The following B3GALNT2 variants were observed in gnomAD, a reference collection of about 807,000 sequenced individuals.
B3GALNT2 encodes UDP-GalNAc:beta-1,3-N-acetylgalactosaminyltransferase 2.
B3GALNT2 carries 53 observed loss-of-function variants against 61.1 expected under a neutral mutation model. The observed-to-expected ratio is 0.87, with a 90% CI of 0.70 to 1.09. B3GALNT2 has a LOEUF of 1.09. B3GALNT2 is among the 50% of genes least tolerant of loss of function. B3GALNT2 has a pLI of 0.00. For missense variants in B3GALNT2, 544 were observed against 623.0 expected, an observed-to-expected ratio of 0.87 and a Z score of 1.35; for synonymous variants, 223 against 237.4, an observed-to-expected ratio of 0.94 and a Z score of 0.56.
intron 2 of B3GALNT2, among the ~76,000 whole-genome samples, chr1:235,491,080 T>C (rs1165129429): frequency 7.4e-6 from 1 of 135,558 alleles, no homozygotes; most frequent in African/African-American, 2.6e-5. Context: ...ACAGAGTGAA[T>C]AGTTAAAAAA....
intron 4 of B3GALNT2, among the ~76,000 whole-genome samples, chr1:235,480,643 G>A (rs1436249403): frequency 2.6e-5 from 4 of 151,912 alleles, no homozygotes; most frequent in African/African-American, 7.3e-5. Flanking sequence ...AGTGGCTCAC[G>A]CTTGTAATCC....
chr1:235,444,448 G>A (rs991797689), downstream of B3GALNT2, among the ~76,000 whole-genome samples: 1 of 152,208 alleles, frequency 6.6e-6, no homozygotes, highest in Admixed American at 6.5e-5. Flanking sequence ...TCACGCTGGA[G>A]TGCAGTGGTG....
chr1:235,441,696 G>A, the B3GALNT2 span: 3 of 891,624 alleles, frequency 3.4e-6, no homozygotes, highest in Middle Eastern at 2.1e-4. Flanking sequence ...AGCTCCATGT[G>A]TCCTGGGAAA....
rs1209996565 is a variant in B3GALNT2 at position 235,447,845 on chromosome 1, T to TC, written c.*2360dup. On this transcript the variant is annotated 3_prime_UTR_variant, in exon 12 of 12. Transcript: ENST00000366600. ...GTCCGTTGGCTCCGTTTCCCACAGT[T>TC]CCCCAAATGAACAGGTGGTACAAGA... Among the ~76,000 whole-genome samples, 1 of 152,084 alleles carries TC rather than the reference T, an allele frequency of 6.6e-6. No individual in the cohort carries two copies. The highest frequency in any genetic ancestry group is 1.5e-5 in the Non-Finnish European group (1 of 68,028).
At chr1:235,460,931 AATTT>A (rs1285835692) in intron 7 of B3GALNT2, among the ~76,000 whole-genome samples, 19 of 152,228 alleles carry the variant, frequency 1.2e-4, no homozygotes, top group South Asian at 4.1e-4. Context: ...CTTAAAAGAC[AATTT>A]ATTTGCCACT....
rs59405398 is a variant in B3GALNT2 at position 235,448,220 on chromosome 1, C to CAA, written c.*1984_*1985dup. The CAA allele has an allele frequency of 0.022, 11,197 of 520,352 alleles. 120 individuals carry two copies. The highest frequency in any genetic ancestry group is 0.081 in the African/African-American group (2,563 of 31,692). 32.2% of individuals were successfully genotyped at this position (520,352 alleles called of 1,614,324 possible). On this transcript the variant is annotated 3_prime_UTR_variant, in exon 12 of 12. Transcript: ENST00000366600. Reference sequence around the variant, plus strand: ...CTTAAGTAAGTAAGTAAGTCAGTCTCAAAAAAAAAAAAAAAAAAAAGACAG... The same window carrying CAA: ...CTTAAGTAAGTAAGTAAGTCAGTCTCAAAAAAAAAAAAAAAAAAAAAAGACAG...
At chr1:235,444,215 CACA>C (rs900664351), downstream of B3GALNT2, among the ~76,000 whole-genome samples, 8 of 152,058 alleles carry the variant, frequency 5.3e-5, no homozygotes, top group African/African-American at 1.9e-4. Context: ...TTTAATTTAC[CACA>C]ACGTCTCCAT....
rs758366722 is a variant in B3GALNT2 at position 235,448,747 on chromosome 1, A to G, written c.*1459T>C. 12 of 1,613,006 alleles carry G rather than the reference A, an allele frequency of 7.4e-6. No individual in the cohort carries two copies. The highest frequency in any genetic ancestry group is 2.2e-5 in the South Asian group (2 of 91,038). On this transcript the variant is annotated 3_prime_UTR_variant, in exon 12 of 12. Coordinates refer to ENST00000366600, the MANE Select transcript of B3GALNT2 (RefSeq NM_152490.5). ...ATTCTGTGGAAAATGGAGATTGTCT[A>G]TTAGTGCGATGGTGACAACCAACTA...
At chr1:235,484,097 A>C (rs1277241718) in intron 4 of B3GALNT2, among the ~76,000 whole-genome samples, 1 of 152,152 alleles carries the variant, frequency 6.6e-6, no homozygotes, top group African/African-American at 2.4e-5. Context: ...TAATCTAGTC[A>C]ACTCCTTCTC....
At chr1:235,473,515 T>A (rs1483342092) in intron 5 of B3GALNT2, among the ~76,000 whole-genome samples, 1 of 152,132 alleles carries the variant, frequency 6.6e-6, no homozygotes, top group Non-Finnish European at 1.5e-5. Context: ...ATACAGGCGA[T>A]GAGAACAGAT....
chr1:235,484,675 G>T, intron 3 of B3GALNT2, 160 bp from the exon 4 acceptor site: 1 of 1,293,430 alleles, frequency 7.7e-7, no homozygotes. Flanking sequence ...AAAAATGGCT[G>T]CTTCTATATA....
chr1:235,466,198 A>T (rs980419624), intron 6 of B3GALNT2, among the ~76,000 whole-genome samples: 24 of 150,436 alleles, frequency 1.6e-4, no homozygotes, highest in African/African-American at 5.1e-4. Context: ...TATATTGATT[A>T]AAAAAAAATT....
At chr1:235,446,495 A>G (rs947722699), downstream of B3GALNT2, among the ~76,000 whole-genome samples, 2 of 152,072 alleles carry the variant, frequency 1.3e-5, no homozygotes, top group African/African-American at 4.8e-5. Flanking sequence ...ATACATCCTT[A>G]TATGAACACA....
chr1:235,484,292 G>A (rs1684693912), intron 4 of B3GALNT2, 30 bp downstream of exon 4: 17 of 1,534,368 alleles, frequency 1.1e-5, no homozygotes, highest in Non-Finnish European at 1.5e-5. Flanking sequence ...AAAGAAAAAA[G>A]AGAAAAAACC....
chr1:235,502,877 G>C (rs1208741329), intron 1 of B3GALNT2, among the ~76,000 whole-genome samples: 4 of 152,210 alleles, frequency 2.6e-5, no homozygotes, highest in African/African-American at 9.6e-5. Context: ...TCTCTTCTTA[G>C]TTCACTTCAC....
At chr1:235,503,532 C>T (rs1685680923) in intron 1 of B3GALNT2, among the ~76,000 whole-genome samples, 1 of 152,256 alleles carries the variant, frequency 6.6e-6, no homozygotes, top group Non-Finnish European at 1.5e-5. Context: ...GCGATCCAAA[C>T]TCACAGGAAC....
At chr1:235,464,332 T>TAAC (rs145864746) in intron 7 of B3GALNT2, 111,629 of 151,746 alleles carry the variant, frequency 0.74, 42,109 homozygotes, top group African/African-American at 0.91. Flanking sequence ...AATTCAACAA[T>TAAC]AAAATAATTT....
chr1:235,480,173 A>G, intron 4 of B3GALNT2, 24 bp from the exon 5 acceptor site: 1 of 1,612,452 alleles, frequency 6.2e-7, no homozygotes, highest in Non-Finnish European at 8.5e-7. Context: ...GAAAAAGACA[A>G]GAAAAAATAC....
At chr1:235,489,127 A>C (rs1381862806) in intron 3 of B3GALNT2, 41 bp downstream of exon 3, 1 of 1,607,228 alleles carries the variant, frequency 6.2e-7, no homozygotes, top group African/African-American at 1.3e-5. Context: ...TTTACTCAAC[A>C]TCAAGCTTGT....
Sources: gnomAD v4.1 joint callset for allele counts (sites outside exome capture counted in the v4.1 genomes callset) on GRCh38, gnomAD v4.1.1 for gene constraint, MANE v1.5 for transcripts, NCBI Gene and HGNC (gene_info 2026-07-23, HGNC 2026-07-21) for gene names.